Variants in MRPL35 observed in about 807,000 individuals in gnomAD.
MRPL35 encodes the protein large ribosomal subunit protein bL35m.
Under a neutral mutation model 21.6 loss-of-function variants are expected in MRPL35, and 18 were observed. That is an observed-to-expected ratio of 0.83 (90% CI 0.58 to 1.24). MRPL35 has a LOEUF of 1.24. Among genes scored for constraint, MRPL35 ranks in the 50% most tolerant of loss-of-function variants. MRPL35 has a pLI of 0.00. For missense variants in MRPL35, 223 were observed against 223.2 expected, an observed-to-expected ratio of 1.00 and a Z score of 0.01; for synonymous variants, 87 against 86.9, an observed-to-expected ratio of 1.00 and a Z score of -0.01.
Position 86,213,108 on chromosome 2 carries a change from A to C in MRPL35, c.*2440A>C. On this transcript the variant is annotated 3_prime_UTR_variant, in exon 4 of 4. Coordinates refer to ENST00000337109, the MANE Select transcript of MRPL35 (RefSeq NM_016622.4). The stretch of plus-strand genomic sequence containing the variant: ...TACAGCTAATAAGACCCAGAATCTC[A>C]GTCTCACTCCTTGGGATCCTGTGTA... 1.0e-6 allele frequency: 1 copy of C among 985,796 alleles called. No homozygotes were observed. Among genetic ancestry groups the C allele is most frequent in the Non-Finnish European group, 1.2e-6 (1 of 830,124 alleles). 61.1% of individuals were successfully genotyped at this position (985,796 alleles called of 1,614,324 possible).
intron 3 of MRPL35, 59 bp downstream of exon 3, chr2:86,207,386 C>T (rs1366371107): frequency 2.6e-6 from 4 of 1,567,280 alleles, no homozygotes; most frequent in African/African-American, 2.7e-5. Context: ...CGTGGTGGCT[C>T]ACGCCTATAA....
chr2:86,212,085 A>C lies in MRPL35; in HGVS notation c.*1417A>C. The C allele has an allele frequency of 9.0e-7, 1 of 1,109,180 alleles. No homozygotes were observed. Among genetic ancestry groups the C allele is most frequent in the Non-Finnish European group, 1.1e-6 (1 of 907,602 alleles). The allele number at this position is 1,109,180 out of a possible 1,614,324, so 68.7% of individuals were successfully genotyped here. A position where few individuals can be genotyped will look rare whatever the true frequency, so the allele number is the denominator to read the frequency against. On this transcript the variant is annotated 3_prime_UTR_variant, in exon 4 of 4. Coordinates refer to ENST00000337109, the MANE Select transcript of MRPL35 (RefSeq NM_016622.4). Reference sequence around the variant, plus strand: ...TTTCAAACAGCAAAGTACTTTGAAAACCATTATTAAATAGAATTATGCATG... The same window carrying C: ...TTTCAAACAGCAAAGTACTTTGAAACCCATTATTAAATAGAATTATGCATG...
At position 86,212,570 on chromosome 2, in the gene MRPL35, C is replaced by A. The variant is rs1673928706; in HGVS notation, c.*1902C>A. On this transcript the variant is annotated 3_prime_UTR_variant, in exon 4 of 4. Transcript: ENST00000337109. ...TACTTTTGCACAGCCTCCATGATGT[C>A]TTTATTGCAAATATGGATGACAAGG... is the stretch of plus-strand genomic sequence containing the variant. 6.6e-7 allele frequency: 1 copy of A among 1,522,634 alleles called. No individual in the cohort carries two copies. The highest frequency in any genetic ancestry group is 1.3e-5 in the South Asian group (1 of 77,512). The allele number at this position is 1,522,634 out of a possible 1,614,324, so 94.3% of individuals were successfully genotyped here. A position where few individuals can be genotyped will look rare whatever the true frequency, so the allele number is the denominator to read the frequency against.
Position 86,210,518 on chromosome 2 carries a change from A to C in MRPL35, c.417A>C (p.Ala139=), listed in dbSNP as rs1260332664. 1 of 1,611,438 alleles carries C rather than the reference A, an allele frequency of 6.2e-7. No individual in the cohort carries two copies. ...YKKKLWKKTP[A]RKKRLREFVF... is the part of the protein sequence containing the mutation. ...AAAAATTATGGAAAAAGACACCTGCAAGGAAGAAGCGATTGAGGGAATTTG... is the reference window on the plus strand; with the variant it reads ...AAAAATTATGGAAAAAGACACCTGCCAGGAAGAAGCGATTGAGGGAATTTG... Residue 139 remains alanine (A), a synonymous_variant, in exon 4 of 4, where the codon GCA becomes GCC. Coordinates refer to ENST00000337109, the MANE Select transcript of MRPL35 (RefSeq NM_016622.4).
In MRPL35 at chr2:86,213,382, T is replaced by G. The variant is rs1673952116; in HGVS notation, c.*2714T>G. 3 of 1,258,484 alleles carry G rather than the reference T, an allele frequency of 2.4e-6. No homozygotes were observed. The highest frequency in any genetic ancestry group is 3.0e-6 in the Non-Finnish European group (3 of 1,002,874). 78.0% of individuals were successfully genotyped at this position (1,258,484 alleles called of 1,614,324 possible). ...CTTTTTTTCCCATCTGTTCCTGCTT[T>G]TAGTCCTCTGAATCTGCTTCTTTTC... On this transcript the variant is annotated 3_prime_UTR_variant, in exon 4 of 4. Transcript: ENST00000337109.
chr2:86,206,115 G>A lies in MRPL35; in HGVS notation c.53G>A (p.Arg18Gln), dbSNP rs747557472. 4 of 1,608,766 alleles carry A rather than the reference G, an allele frequency of 2.5e-6. No individual in the cohort carries two copies. Among genetic ancestry groups the A allele is most frequent in the Non-Finnish European group, 3.4e-6 (4 of 1,175,812 alleles). Residue 18 changes from arginine (R) to glutamine (Q), a missense_variant, in exon 2 of 4, where the codon CGG (arginine) becomes CAG (glutamine). Arg to Gln is a conservative substitution (Grantham distance 43). Coordinates refer to ENST00000337109, the MANE Select transcript of MRPL35 (RefSeq NM_016622.4). The part of the protein sequence containing the change: ...GAVRAASGIL[R>Q]PLNILASSTY... ...GCTCCTATCTTTACAGGAATCCTAC[G>A]GCCCCTGAATATTTTGGCATCTTCA...
intron 1 of MRPL35, among the ~76,000 whole-genome samples, chr2:86,204,223 A>T (rs990489211): frequency 1.3e-5 from 2 of 151,992 alleles, no homozygotes; most frequent in Non-Finnish European, 2.9e-5. Flanking sequence ...ATCTCAGGTG[A>T]TCCGCCTGCC....
intron 3 of MRPL35, among the ~76,000 whole-genome samples, 179 bp downstream of exon 3, chr2:86,207,506 G>C (rs906597859): frequency 6.6e-6 from 1 of 152,192 alleles, no homozygotes; most frequent in Non-Finnish European, 1.5e-5. Context: ...GTGGTGGCAG[G>C]CACCTGTAAT....
At chr2:86,210,345 T>A in intron 3 of MRPL35, 135 bp from the exon 4 acceptor site, 39 of 209,584 alleles carry the variant, frequency 1.9e-4, no homozygotes, top group East Asian at 6.0e-4. Context: ...GAGAATCACA[T>A]CTTTCCAAGA....
In MRPL35 at chr2:86,210,633, C is replaced by G. The variant is rs1157764222; in HGVS notation, c.532C>G (p.Gln178Glu). 6.2e-7 allele frequency: 1 copy of G among 1,612,970 alleles called. No individual in the cohort carries two copies. The highest frequency in any genetic ancestry group is 8.5e-7 in the Non-Finnish European group (1 of 1,179,498). ...AAACTGGTACGTTGATGATCCTTAT[C>G]AGAAGTATCATGATCGAACAAACCT... ...RRNWYVDDPYQKYHDRTNLKV is the reference protein window; with the variant it reads ...RRNWYVDDPYEKYHDRTNLKV Residue 178 changes from glutamine to glutamate, a missense_variant, in exon 4 of 4, where the codon CAG becomes GAG. Physicochemically the swap from Gln to Glu is conservative, Grantham distance 29. Coordinates refer to ENST00000337109, the MANE Select transcript of MRPL35 (RefSeq NM_016622.4).
intron 1 of MRPL35, among the ~76,000 whole-genome samples, chr2:86,204,790 A>C (rs1673759711): frequency 6.6e-6 from 1 of 152,196 alleles, no homozygotes; most frequent in Non-Finnish European, 1.5e-5. Context: ...ATACATGTAC[A>C]GTTGACCCTG....
At chr2:86,209,936 A>G (rs1209534296) in intron 3 of MRPL35, among the ~76,000 whole-genome samples, 2 of 152,106 alleles carry the variant, frequency 1.3e-5, no homozygotes, top group Non-Finnish European at 2.9e-5. Flanking sequence ...TGAGCCCAGG[A>G]GGTAGAGGCT....
chr2:86,211,754 C>G lies in MRPL35; in HGVS notation c.*1086C>G. The G allele has an allele frequency of 1.0e-6, 1 of 982,910 alleles. No homozygotes were observed. The highest frequency in any genetic ancestry group is 1.2e-6 in the Non-Finnish European group (1 of 827,692). 60.9% of individuals were successfully genotyped at this position (982,910 alleles called of 1,614,324 possible). A position where few individuals can be genotyped will look rare whatever the true frequency, so the allele number is the denominator to read the frequency against. ...GCAATCATAGCTCATTGAAGCCTCG[C>G]ACTCCTGGGCTCAAGTGGTCCTCCT... On this transcript the variant is annotated 3_prime_UTR_variant, in exon 4 of 4. Transcript: ENST00000337109.
At chr2:86,199,555 C>G (rs1386816243) in intron 1 of MRPL35, 22 bp downstream of exon 1, 2 of 1,613,782 alleles carry the variant, frequency 1.2e-6, no homozygotes, top group African/African-American at 2.7e-5. Flanking sequence ...GCGACATACT[C>G]CATGCATGCC....
chr2:86,206,947 T>C (rs1477015033), intron 2 of MRPL35, among the ~76,000 whole-genome samples: 1 of 152,202 alleles, frequency 6.6e-6, no homozygotes, highest in Admixed American at 6.5e-5. Flanking sequence ...AAAGCGATGA[T>C]AATAGAATGA....
intron 1 of MRPL35, among the ~76,000 whole-genome samples, chr2:86,203,621 CA>C (rs1209514975): frequency 2.0e-5 from 3 of 152,204 alleles, no homozygotes; most frequent in Non-Finnish European, 4.4e-5. Context: ...AGATAATACT[CA>C]ACCTGTATCA....
At chr2:86,207,767 C>T (rs115063998) in intron 3 of MRPL35, among the ~76,000 whole-genome samples, 3,321 of 152,154 alleles carry the variant, frequency 0.022, 68 homozygotes, top group Non-Finnish European at 0.034. Context: ...TGAGGTCAGG[C>T]GTTGTGGCAG....
chr2:86,199,803 G>C (rs1359507820), intron 1 of MRPL35, among the ~76,000 whole-genome samples: 1 of 152,172 alleles, frequency 6.6e-6, no homozygotes, highest in Non-Finnish European at 1.5e-5. Flanking sequence ...TGGAACGGAG[G>C]GGGCGAGGGA....
At chr2:86,199,593 T>C in intron 1 of MRPL35, 60 bp downstream of exon 1, 3 of 1,599,400 alleles carry the variant, frequency 1.9e-6, no homozygotes, top group Non-Finnish European at 2.6e-6. Context: ...TGGTGCGGGA[T>C]GGAATGGGCG....
Sources: allele counts gnomAD v4.1 joint callset (sites outside exome capture counted in the v4.1 genomes callset), GRCh38; gene constraint gnomAD v4.1.1; transcripts MANE v1.5; gene names NCBI Gene and HGNC (gene_info 2026-07-23, HGNC 2026-07-21).